The following OR2L13 variants were observed in gnomAD, a reference collection of about 807,000 sequenced individuals.
OR2L13 encodes olfactory receptor family 2 subfamily L member 13, also known as olfactory receptor 2L13.
In OR2L13, 14 loss-of-function variants were observed where a neutral mutation model predicts 15.3. The observed-to-expected ratio is 0.91, with a 90% CI of 0.60 to 1.43. OR2L13 has a LOEUF of 1.43. OR2L13 is among the 40% of genes most tolerant of loss of function. The pLI, the probability that OR2L13 is intolerant of heterozygous loss-of-function variation, is 0.00. For synonymous variants in OR2L13, 152 were observed against 142.9 expected, an observed-to-expected ratio of 1.06 and a Z score of -0.45; for missense variants, 367 against 387.9, an observed-to-expected ratio of 0.95 and a Z score of 0.45.
chr1:248,061,515 C>A, the OR2L13 span: 2 of 1,613,864 alleles, frequency 1.2e-6, no homozygotes, highest in Admixed American at 3.3e-5. Flanking sequence ...TCTTCTACAC[C>A]ACCCTCACTC....
chr1:248,076,958 A>G, the OR2L13 span, among the ~76,000 whole-genome samples: 2 of 152,134 alleles, frequency 1.3e-5, no homozygotes, highest in South Asian at 2.1e-4. Flanking sequence ...TGCCCATTCA[A>G]TATGATATTG....
the OR2L13 span, chr1:248,060,987 C>T: frequency 6.2e-7 from 1 of 1,614,034 alleles, no homozygotes; most frequent in South Asian, 1.1e-5. Flanking sequence ...AGAGTTTCTT[C>T]TTCTCGGCAT....
the OR2L13 span, among the ~76,000 whole-genome samples, chr1:247,976,610 C>G: frequency 6.6e-6 from 1 of 152,134 alleles, no homozygotes; most frequent in African/African-American, 2.4e-5. Flanking sequence ...GTTTTAATAA[C>G]ATAAAATATG....
chr1:247,958,052 C>T, the OR2L13 span, among the ~76,000 whole-genome samples: 1 of 152,194 alleles, frequency 6.6e-6, no homozygotes, highest in East Asian at 1.9e-4. Flanking sequence ...AATTTTAGAT[C>T]TTTCCTGCTT....
the OR2L13 span, chr1:248,061,548 T>C: frequency 5.0e-6 from 8 of 1,613,554 alleles, no homozygotes; most frequent in African/African-American, 1.3e-5. Flanking sequence ...CCATCATCTA[T>C]AGCCTGAGGA....
chr1:247,993,762 G>GGGA, the OR2L13 span, among the ~76,000 whole-genome samples: 1 of 53,636 alleles, frequency 1.9e-5, no homozygotes, highest in African/African-American at 8.5e-5. Flanking sequence ...AGAGAGAGGG[G>GGGA]GAGAGAGAGA....
the OR2L13 span, among the ~76,000 whole-genome samples, chr1:248,074,733 C>T: frequency 6.6e-6 from 1 of 152,048 alleles, no homozygotes; most frequent in African/African-American, 2.4e-5. Flanking sequence ...GTGGTATGCT[C>T]ACTACCTGGA....
chr1:248,059,750 C>T, the OR2L13 span, among the ~76,000 whole-genome samples: 1 of 152,098 alleles, frequency 6.6e-6, no homozygotes, highest in African/African-American at 2.4e-5. Flanking sequence ...GTAAATCTGG[C>T]AGAATAAACA....
chr1:248,006,507 G>A, the OR2L13 span, among the ~76,000 whole-genome samples: 1 of 151,994 alleles, frequency 6.6e-6, no homozygotes, highest in Non-Finnish European at 1.5e-5. Context: ...CTGTGCATAG[G>A]TCCATGAAAC....
chr1:248,018,160 TA>T, the OR2L13 span, among the ~76,000 whole-genome samples: 14 of 144,162 alleles, frequency 9.7e-5, no homozygotes, highest in South Asian at 4.3e-4. Context: ...CTCAAAAAAA[TA>T]AAAAAAAAAA....
At chr1:247,983,943 A>G in the OR2L13 span, among the ~76,000 whole-genome samples, 2 of 151,960 alleles carry the variant, frequency 1.3e-5, no homozygotes, top group Admixed American at 1.3e-4. Context: ...ACATGCAGGG[A>G]GTGAGGAGAT....
chr1:248,016,201 AG>A, the OR2L13 span, among the ~76,000 whole-genome samples: 1 of 152,218 alleles, frequency 6.6e-6, no homozygotes, highest in African/African-American at 2.4e-5. Context: ...TGACTTCAAA[AG>A]ATAGTAATAT....
At chr1:247,990,808 C>A in the OR2L13 span, 1 of 1,602,578 alleles carries the variant, frequency 6.2e-7, no homozygotes, top group African/African-American at 1.3e-5. Context: ...CTGTGATGTT[C>A]CAGCTATGTT....
At chr1:248,006,271 G>A in the OR2L13 span, among the ~76,000 whole-genome samples, 1 of 151,480 alleles carries the variant, frequency 6.6e-6, no homozygotes, top group Non-Finnish European at 1.5e-5. Flanking sequence ...GTGTGTGTGT[G>A]TGTGTGTGTG....
chr1:248,057,453 G>T, the OR2L13 span, among the ~76,000 whole-genome samples: 1 of 152,226 alleles, frequency 6.6e-6, no homozygotes, highest in South Asian at 2.1e-4. Flanking sequence ...AACTAGGATT[G>T]CTACCACTGC....
chr1:248,038,465 C>T, the OR2L13 span: 1 of 1,613,804 alleles, frequency 6.2e-7, no homozygotes, highest in Non-Finnish European at 8.5e-7. Context: ...GTCAGCTCTC[C>T]CTCATTGACC....
chr1:248,088,197 G>A, the OR2L13 span, among the ~76,000 whole-genome samples: 1 of 151,980 alleles, frequency 6.6e-6, no homozygotes, highest in Non-Finnish European at 1.5e-5. Flanking sequence ...GTTCTTAAAG[G>A]TTGAGGAACA....
chr1:247,990,268 TG>T, the OR2L13 span: 1 of 904,566 alleles, frequency 1.1e-6, no homozygotes. Context: ...GAATGCTCCA[TG>T]GAAAATTACA....
At chr1:248,077,183 G>C in the OR2L13 span, among the ~76,000 whole-genome samples, 124 of 152,272 alleles carry the variant, frequency 8.1e-4, 1 homozygote, top group African/African-American at 2.9e-3. Context: ...TGCATCCCAG[G>C]GATGAAGCCC....
Sources: allele counts gnomAD v4.1 joint callset (sites outside exome capture counted in the v4.1 genomes callset), GRCh38; gene constraint gnomAD v4.1.1; transcripts MANE v1.5; gene names NCBI Gene and HGNC (gene_info 2026-07-23, HGNC 2026-07-21).